Variants in ME3 observed in about 807,000 individuals in gnomAD.
ME3 encodes the protein malic enzyme 3.
In ME3, 48 loss-of-function variants were observed where a neutral mutation model predicts 68.9. The observed-to-expected ratio is 0.70, with a 90% CI of 0.55 to 0.89. ME3 has a LOEUF of 0.89. Ranked by LOEUF, ME3 falls within the 40% of genes least tolerant of loss-of-function variation. The probability of loss-of-function intolerance (pLI) is 0.00; values close to 1 mark genes in which losing one functional copy is unlikely to be tolerated. For synonymous variants in ME3, 320 were observed against 318.8 expected (o/e 1.00, Z -0.04); for missense variants, 675 against 797.4 (o/e 0.85, Z 1.85).
At chr11:86,599,372 G>A (rs1960176600) in intron 2 of ME3, among the ~76,000 whole-genome samples, 1 of 152,162 alleles carries the variant, frequency 6.6e-6, no homozygotes, top group East Asian at 1.9e-4. Flanking sequence ...TGAAATGAAT[G>A]AAATGAAGCG....
chr11:86,658,980 C>A (rs1369067399), intron 2 of ME3, among the ~76,000 whole-genome samples: 1 of 151,678 alleles, frequency 6.6e-6, no homozygotes, highest in Non-Finnish European at 1.5e-5. Context: ...TTTTACCAGT[C>A]AAAAAAAATC....
intron 2 of ME3, among the ~76,000 whole-genome samples, chr11:86,579,699 ATTCTAT>A (rs1565166298): frequency 6.6e-6 from 1 of 152,104 alleles, no homozygotes; most frequent in East Asian, 1.9e-4. Context: ...TCCTCAATCC[ATTCTAT>A]TCATTTTCCT....
Position 86,449,869 on chromosome 11 carries a change from G to A in ME3, c.1131+20C>T, listed in dbSNP as rs1949535348. On this transcript the variant is annotated intron_variant, in intron 10 of 14. Transcript: ENST00000543262. ...GCTATAAGGTGTCAGGAAACCTCCA[G>A]GTCTCCAGACTGACAGTACCTTGAC... 6.3e-7 allele frequency: 1 copy of A among 1,587,928 alleles called. No individual in the cohort carries two copies. The highest frequency in any genetic ancestry group is 8.6e-7 in the Non-Finnish European group (1 of 1,159,332).
intron 2 of ME3, chr11:86,668,378 A>G (rs1306750551): frequency 6.6e-6 from 1 of 152,078 alleles, no homozygotes; most frequent in Non-Finnish European, 1.5e-5. Flanking sequence ...TGCATTTGCT[A>G]TTTTTCTATT....
chr11:86,493,147 C>T (rs1594168223), intron 6 of ME3, among the ~76,000 whole-genome samples: 6 of 152,150 alleles, frequency 3.9e-5, no homozygotes, highest in Admixed American at 3.3e-4. Flanking sequence ...TAGAAGAAAC[C>T]CTGCAATACC....
At chr11:86,660,641 C>T (rs1166813188) in intron 2 of ME3, among the ~76,000 whole-genome samples, 2 of 152,144 alleles carry the variant, frequency 1.3e-5, no homozygotes, top group Non-Finnish European at 2.9e-5. Flanking sequence ...GGCTATGCCC[C>T]TTGAGGGTGT....
intron 2 of ME3, among the ~76,000 whole-genome samples, chr11:86,562,067 G>A (rs887144880): frequency 6.6e-6 from 1 of 152,024 alleles, no homozygotes; most frequent in Admixed American, 6.6e-5. Context: ...GGCTTTACTT[G>A]TTCATCTCTC....
At chr11:86,499,804 A>T (rs1952601824) in intron 5 of ME3, among the ~76,000 whole-genome samples, 1 of 152,226 alleles carries the variant, frequency 6.6e-6, no homozygotes, top group Non-Finnish European at 1.5e-5. Flanking sequence ...AGGTAGGCGG[A>T]TCTGAGATTG....
rs756538141 is a variant in ME3, at chr11:86,671,739, C to G, written c.183+23G>C. ...GCAGCCACGGGATCGCAACGCGGGC[C>G]GTCCTGCCCTCTGGCCCATTACCTT... is the stretch of plus-strand genomic sequence containing the variant. On this transcript the variant is annotated intron_variant, in intron 2 of 14. Coordinates refer to ENST00000543262, the Ensembl canonical transcript of ME3. 4.4e-6 allele frequency: 7 copies of G among 1,593,944 alleles called. No homozygotes were observed. In the Admixed American group the frequency reaches 8.7e-5, roughly 20 times the overall value.
rs993866777 is a variant in ME3 at position 86,504,820 on chromosome 11, A to G, written c.543+3972T>C. ...ATTCTCCTGGCTCAGCCTCCTGAAT[A>G]GTTGGGACTACAGGCGCCTGCCACC... On this transcript the variant is annotated intron_variant, in intron 5 of 14. Coordinates refer to ENST00000543262, the Ensembl canonical transcript of ME3. Among the ~76,000 whole-genome samples the G allele has an allele frequency of 4.0e-5, 6 of 151,562 alleles. No individual in the cohort carries two copies. In the East Asian group the frequency reaches 1.2e-3, roughly 30 times the overall value.
At chr11:86,639,289 C>T (rs1438099409) in intron 2 of ME3, among the ~76,000 whole-genome samples, 1 of 152,124 alleles carries the variant, frequency 6.6e-6, no homozygotes, top group African/African-American at 2.4e-5. Context: ...CTGAGTCTCC[C>T]TAATGTACAT....
rs140713755 is a variant in ME3 at position 86,658,164 on chromosome 11, G to A, written c.183+13598C>T. ...TTTTTTGAGACAATCTCATGCTGTCGCCCAGGCTGGAGTGCAGGGCGCGAT... is the reference window on the plus strand; with the variant it reads ...TTTTTTGAGACAATCTCATGCTGTCACCCAGGCTGGAGTGCAGGGCGCGAT... On this transcript the variant is annotated intron_variant, in intron 2 of 14. Transcript: ENST00000543262. Among the ~76,000 whole-genome samples the A allele has an allele frequency of 8.8e-3, 1,324 of 150,772 alleles. 27 individuals carry two copies. The highest frequency in any genetic ancestry group is 0.03 in the African/African-American group (1,235 of 41,002).
At chr11:86,592,321 A>T (rs1959112292) in intron 2 of ME3, among the ~76,000 whole-genome samples, 1 of 152,134 alleles carries the variant, frequency 6.6e-6, no homozygotes, top group Non-Finnish European at 1.5e-5. Context: ...AGCTCTCACC[A>T]CTTGCTCAAA....
At chr11:86,645,026 G>A (rs1944909228) in intron 2 of ME3, among the ~76,000 whole-genome samples, 1 of 152,200 alleles carries the variant, frequency 6.6e-6, no homozygotes, top group Admixed American at 6.5e-5. Flanking sequence ...GAAGCTATGT[G>A]GCCCAGATAC....
rs1950422942 is a variant in ME3, at chr11:86,465,345, TG to T, written c.810-146del. The T allele has an allele frequency of 1.7e-5, 11 of 664,340 alleles. No homozygotes were observed. The East Asian group carries it at 3.0e-4, about 18-fold the overall frequency. The allele number at this position is 664,340 out of a possible 1,614,324, so 41.2% of individuals were successfully genotyped here. ...CTTCATCTGTGTTTTTGCCACTGGT[TG>T]GCTCCTGGACTCCTGGGCTTGGAGC... On this transcript the variant is annotated intron_variant, in intron 7 of 14. Transcript: ENST00000543262.
chr11:86,615,300 A>C (rs888671072), intron 2 of ME3, among the ~76,000 whole-genome samples: 1 of 152,188 alleles, frequency 6.6e-6, no homozygotes, highest in Non-Finnish European at 1.5e-5. Context: ...AGGATTCTGA[A>C]ACTTCTGGTA....
chr11:86,599,369 A>C (rs1221905413), intron 2 of ME3, among the ~76,000 whole-genome samples: 1 of 152,238 alleles, frequency 6.6e-6, no homozygotes, highest in Admixed American at 6.5e-5. Context: ...AGATGAAATG[A>C]ATGAAATGAA....
chr11:86,556,903 G>A (rs1029608876), intron 3 of ME3, among the ~76,000 whole-genome samples: 4 of 152,158 alleles, frequency 2.6e-5, no homozygotes, highest in Non-Finnish European at 5.9e-5. Context: ...TATACATGGT[G>A]TAGATACTGT....
chr11:86,559,950 T>G, intron 2 of ME3, 127 bp from the exon 3 acceptor site: 18 of 920,840 alleles, frequency 2.0e-5, no homozygotes, highest in East Asian at 3.0e-5. Flanking sequence ...TCAACTCAAA[T>G]TCCACCTCTG....
Sources: allele counts gnomAD v4.1 joint callset (sites outside exome capture counted in the v4.1 genomes callset), GRCh38; gene constraint gnomAD v4.1.1; transcripts MANE v1.5; gene names NCBI Gene and HGNC (gene_info 2026-07-23, HGNC 2026-07-21).